Variants in GPC5 observed in about 807,000 individuals in gnomAD.
GPC5 encodes the protein glypican 5, also known as glypican-5.
In GPC5, 47 loss-of-function variants were observed where a neutral mutation model predicts 53.9. The observed-to-expected ratio is 0.87, with a 90% confidence interval of 0.69 to 1.11. The LOEUF is 1.11. Among genes scored for constraint, GPC5 ranks in the 50% most tolerant of loss-of-function variants. The probability of loss-of-function intolerance (pLI) is 0.00; values close to 1 mark genes in which losing one functional copy is unlikely to be tolerated. For missense variants in GPC5, 748 were observed against 713.1 expected (o/e 1.05, Z -0.56); for synonymous variants, 286 against 263.3 (o/e 1.09, Z -0.84).
At chr13:92,391,798 A>G (rs1030840248) in intron 7 of GPC5, among the ~76,000 whole-genome samples, 1 of 152,150 alleles carries the variant, frequency 6.6e-6, no homozygotes, top group African/African-American at 2.4e-5. Flanking sequence ...AGGGGAACAC[A>G]TAGAATCCCA....
At position 91,860,753 on chromosome 13, in the gene GPC5, C is replaced by T. The variant is rs558102321; in HGVS notation, c.1281-47184C>T. On this transcript the variant is annotated intron_variant, in intron 5 of 7. Coordinates refer to ENST00000377067, the MANE Select transcript of GPC5 (RefSeq NM_004466.6). ...CTGACCTCCAGTGATCCGCCTACCT[C>T]GGCCTTCCAAAGTGCTGGGATTACA... Among the ~76,000 whole-genome samples the T allele has an allele frequency of 7.2e-5, 11 of 152,208 alleles. No individual in the cohort carries two copies. The East Asian group carries it at 1.9e-3, about 27-fold the overall frequency.
intron 7 of GPC5, among the ~76,000 whole-genome samples, chr13:92,258,231 A>G (rs2042741152): frequency 6.6e-6 from 1 of 152,190 alleles, no homozygotes; most frequent in African/African-American, 2.4e-5. Context: ...AAATAGGGCA[A>G]TACCCCTTAA....
At chr13:92,475,843 T>C (rs1313795817) in intron 7 of GPC5, among the ~76,000 whole-genome samples, 3 of 151,076 alleles carry the variant, frequency 2.0e-5, no homozygotes, top group Admixed American at 6.6e-5. Flanking sequence ...TAGCCATATG[T>C]AGAAAGCTGA....
At chr13:92,281,183 G>C (rs115276268) in intron 7 of GPC5, among the ~76,000 whole-genome samples, 6 of 152,158 alleles carry the variant, frequency 3.9e-5, no homozygotes, top group Non-Finnish European at 7.3e-5. Flanking sequence ...ACTACAAGGC[G>C]TCAGCAAGGC....
At chr13:92,592,173 T>C (rs1883733542) in intron 7 of GPC5, among the ~76,000 whole-genome samples, 1 of 152,210 alleles carries the variant, frequency 6.6e-6, no homozygotes, top group Non-Finnish European at 1.5e-5. Flanking sequence ...TATATTTCAG[T>C]CATCCACATC....
intron 2 of GPC5, among the ~76,000 whole-genome samples, chr13:91,532,281 AAGGTGCTCCCAGATCAGTC>A (rs957150505): frequency 6.6e-6 from 1 of 152,184 alleles, no homozygotes; most frequent in Non-Finnish European, 1.5e-5. Context: ...CAAATGCAGG[AAGGTGCTCCCAGATCAGTC>A]AGCCGAATGA....
intron 6 of GPC5, among the ~76,000 whole-genome samples, chr13:92,102,634 T>C (rs868712218): frequency 5.3e-5 from 8 of 152,082 alleles, no homozygotes; most frequent in South Asian, 2.1e-4. Context: ...CTAAGGAAAG[T>C]ATAAGGATGG....
intron 7 of GPC5, among the ~76,000 whole-genome samples, chr13:92,253,716 T>C (rs1399926311): frequency 6.6e-6 from 1 of 152,132 alleles, no homozygotes; most frequent in Non-Finnish European, 1.5e-5. Context: ...ATTAGTTTTA[T>C]TATGAAAGTT....
chr13:92,522,370 A>G (rs528974098), intron 7 of GPC5, among the ~76,000 whole-genome samples: 3 of 152,342 alleles, frequency 2.0e-5, no homozygotes, highest in African/African-American at 7.2e-5. Context: ...AACCAATCCA[A>G]ATGTCCATCA....
intron 7 of GPC5, among the ~76,000 whole-genome samples, chr13:92,558,405 T>A (rs183070886): frequency 4.6e-5 from 7 of 152,140 alleles, no homozygotes; most frequent in Non-Finnish European, 1.0e-4. Flanking sequence ...TTGCAAAAAG[T>A]TACACAAAAG....
chr13:92,746,939 T>G (rs1463695462), intron 7 of GPC5, among the ~76,000 whole-genome samples: 1 of 152,136 alleles, frequency 6.6e-6, no homozygotes, highest in African/African-American at 2.4e-5. Context: ...ATTGCACACT[T>G]AAGTATATGG....
intron 2 of GPC5, among the ~76,000 whole-genome samples, chr13:91,519,031 G>C (rs770453607): frequency 6.6e-6 from 1 of 152,122 alleles, no homozygotes; most frequent in Non-Finnish European, 1.5e-5. Context: ...AATACGGGAC[G>C]TGTGAAAGGA....
At chr13:91,729,049 G>A (rs982595567) in intron 4 of GPC5, among the ~76,000 whole-genome samples, 5 of 152,246 alleles carry the variant, frequency 3.3e-5, no homozygotes, top group Admixed American at 1.3e-4. Flanking sequence ...AATATGGCTA[G>A]TGGCTATTGT....
intron 7 of GPC5, among the ~76,000 whole-genome samples, chr13:92,495,004 C>T (rs537422181): frequency 6.6e-6 from 1 of 152,124 alleles, no homozygotes; most frequent in South Asian, 2.1e-4. Flanking sequence ...TCAGATTTTC[C>T]ATTTGAGTTA....
intron 2 of GPC5, among the ~76,000 whole-genome samples, chr13:91,652,091 A>G (rs1788583043): frequency 6.6e-6 from 1 of 152,212 alleles, no homozygotes; most frequent in Non-Finnish European, 1.5e-5. Flanking sequence ...TTATCTGCAA[A>G]TAGGTTCCAA....
At chr13:91,433,736 A>T (rs1478658715) in intron 1 of GPC5, among the ~76,000 whole-genome samples, 3 of 152,282 alleles carry the variant, frequency 2.0e-5, no homozygotes, top group Middle Eastern at 3.4e-3. Flanking sequence ...TGGCTGGGTC[A>T]AATGGTATTT....
chr13:91,941,198 A>G (rs971027827), intron 6 of GPC5, among the ~76,000 whole-genome samples: 3 of 151,682 alleles, frequency 2.0e-5, no homozygotes, highest in East Asian at 1.9e-4. Flanking sequence ...ATTTTATTCT[A>G]TTGGTCTATG....
chr13:92,304,612 G>T (rs9589494), intron 7 of GPC5, among the ~76,000 whole-genome samples: 48,325 of 151,958 alleles, frequency 0.32, 9,432 homozygotes, highest in African/African-American at 0.55. Flanking sequence ...TGAAGATAAT[G>T]AGCCCCTATG....
At chr13:92,518,423 G>T (rs1194904758) in intron 7 of GPC5, among the ~76,000 whole-genome samples, 1 of 152,160 alleles carries the variant, frequency 6.6e-6, no homozygotes, top group Non-Finnish European at 1.5e-5. Context: ...ACTAACAGCA[G>T]ATCTCTCGGC....
Sources: gnomAD v4.1 joint callset for allele counts (sites outside exome capture counted in the v4.1 genomes callset) on GRCh38, gnomAD v4.1.1 for gene constraint, MANE v1.5 for transcripts, NCBI Gene and HGNC (gene_info 2026-07-23, HGNC 2026-07-21) for gene names.